The following XRN2 variants were observed in gnomAD, a reference collection of about 807,000 sequenced individuals.
XRN2 encodes the protein DHM1-like protein.
In XRN2, 44 loss-of-function variants were observed where a neutral mutation model predicts 138.5. The observed-to-expected ratio is 0.32, with a 90% CI of 0.25 to 0.41. The LOEUF (loss-of-function observed/expected upper bound fraction) is 0.41, where lower values mean the gene tolerates loss of function less well. Ranked by LOEUF, XRN2 falls within the 10% of genes least tolerant of loss-of-function variation. The pLI is 1.00. For missense variants in XRN2, 937 were observed against 1,169.3 expected (o/e 0.80, Z 2.90); for synonymous variants, 354 against 369.4 (o/e 0.96, Z 0.48).
chr20:21,386,884 C>CCTCT lies in XRN2; in HGVS notation c.2666_2669dup (p.Leu891SerfsTer35). The CCTCT allele has an allele frequency of 6.2e-7, 1 of 1,613,566 alleles. No individual in the cohort carries two copies. Among genetic ancestry groups the CCTCT allele is most frequent in the Non-Finnish European group, 8.5e-7 (1 of 1,179,542 alleles). On this transcript the variant is annotated frameshift_variant, in exon 29 of 30. Transcript: ENST00000377191. LOFTEE classifies it high-confidence loss of function. ...TTCCTACAGAGGCGTTGGGGCTGAACCTCTGCTCCCATGGAACCGGATGCT... is the reference window on the plus strand; with the variant it reads ...TTCCTACAGAGGCGTTGGGGCTGAACCTCTCTCTGCTCCCATGGAACCGGATGCT...
In XRN2 at chr20:21,321,991, A is replaced by C. The variant is rs559753575; in HGVS notation, c.76-4288A>C. On this transcript the variant is annotated intron_variant, in intron 1 of 29. Coordinates refer to ENST00000377191, the MANE Select transcript of XRN2 (RefSeq NM_012255.5). ...AAATTACAATTAATTAGTCTAACAT[A>C]CTGGTTAAGGTACCATCTCTGAGTC... Among the ~76,000 whole-genome samples, 303 of 152,344 alleles carry C rather than the reference A, an allele frequency of 2.0e-3. 1 individual carries two copies. The highest frequency in any genetic ancestry group is 6.7e-3 in the African/African-American group (280 of 41,578).
chr20:21,315,128 C>T (rs558100308), intron 1 of XRN2, among the ~76,000 whole-genome samples: 8 of 152,306 alleles, frequency 5.3e-5, no homozygotes, highest in South Asian at 4.1e-4. Flanking sequence ...CACCTTGTCC[C>T]GGGCAGTTGC....
chr20:21,341,877 G>A (rs1464229561), intron 15 of XRN2, among the ~76,000 whole-genome samples: 1 of 152,066 alleles, frequency 6.6e-6, no homozygotes, highest in East Asian at 1.9e-4. Flanking sequence ...TTGGGAGGCA[G>A]GCAGGTTTAA....
intron 19 of XRN2, 95 bp downstream of exon 19, chr20:21,348,525 A>G (rs1437984587): frequency 9.1e-7 from 1 of 1,097,402 alleles, no homozygotes; most frequent in Non-Finnish European, 1.4e-6. Context: ...TAGTTAAAAC[A>G]GTGAAGTACA....
chr20:21,386,895 A>C lies in XRN2; in HGVS notation c.2676A>C (p.Pro892=). The C allele has an allele frequency of 6.2e-7, 1 of 1,613,844 alleles. No individual in the cohort carries two copies. The highest frequency in any genetic ancestry group is 1.1e-5 in the South Asian group (1 of 91,062). The change falls in exon 29 of 30, where the codon CCA becomes CCC. Residue 892 remains proline (P), a synonymous_variant. Transcript: ENST00000377191. ...GCGTTGGGGCTGAACCTCTGCTCCC[A>C]TGGAACCGGATGCTGCAAACCCAGA... ...DRGVGAEPLL[P]WNRMLQTQNA...
chr20:21,389,108 A>G (rs1361879472), intron 29 of XRN2, among the ~76,000 whole-genome samples, 165 bp from the exon 30 acceptor site: 2 of 152,350 alleles, frequency 1.3e-5, no homozygotes, highest in Non-Finnish European at 2.9e-5. Context: ...ACAAGTCTGT[A>G]TTAAAGCTCT....
At chr20:21,337,736 A>G (rs1032735280) in intron 13 of XRN2, among the ~76,000 whole-genome samples, 1 of 152,220 alleles carries the variant, frequency 6.6e-6, no homozygotes, top group African/African-American at 2.4e-5. Context: ...TTTTCACACA[A>G]AAAACTTGCA....
rs369948824 is a variant in XRN2 at position 21,330,368 on chromosome 20, G to A, written c.428-113G>A. Reference sequence around the variant, plus strand: ...GAGGGAACATTTTTCCTCGGATGACGAGACTTCACTTTCTTTTGTAGTGGA... The same window carrying A: ...GAGGGAACATTTTTCCTCGGATGACAAGACTTCACTTTCTTTTGTAGTGGA... On this transcript the variant is annotated intron_variant, in intron 4 of 29. Transcript: ENST00000377191. 4.0e-6 allele frequency: 4 copies of A among 994,216 alleles called. No homozygotes were observed. The South Asian group carries it at 5.3e-5, about 13-fold the overall frequency. The allele number at this position is 994,216 out of a possible 1,614,324, so 61.6% of individuals were successfully genotyped here. A position where few individuals can be genotyped will look rare whatever the true frequency, so the allele number is the denominator to read the frequency against.
Position 21,344,095 on chromosome 20 carries a change from T to G in XRN2, c.1416T>G (p.Pro472=), listed in dbSNP as rs2038405841. The G allele has an allele frequency of 6.2e-7, 1 of 1,609,188 alleles. No individual in the cohort carries two copies. Among genetic ancestry groups the G allele is most frequent in the Non-Finnish European group, 8.5e-7 (1 of 1,176,044 alleles). ...AATGTCATCATTGTCTGCAGAGTCC[T>G]TCGATATCTCCTAATACGAGTTTCA... ...YEMRMQNNSS[P]SISPNTSFTS... is the part of the protein sequence containing the mutation. The change falls in exon 16 of 30, where the codon CCT becomes CCG. Residue 472 remains proline (P), a synonymous_variant. Transcript: ENST00000377191.
chr20:21,346,536 A>G lies in XRN2; in HGVS notation c.1651A>G (p.Arg551Gly). Residue 551 changes from arginine to glycine, a missense_variant, in exon 17 of 30, where the codon AGA becomes GGA. By Grantham distance (125) the Arg-to-Gly change is moderately radical. This residue lies in a region of XRN2 where 471 missense variants were observed against 581.2 expected (regional missense o/e 0.81). Transcript: ENST00000377191. ...CGTTGAAGGACTTTGCTGGGTTCTT[A>G]GATATTATTACCAGGTACAAAAAGA... ...SYVEGLCWVL[R>G]YYYQGCASWK... 1 of 1,613,880 alleles carries G rather than the reference A, an allele frequency of 6.2e-7. No individual in the cohort carries two copies. The highest frequency in any genetic ancestry group is 8.5e-7 in the Non-Finnish European group (1 of 1,179,810).
intron 26 of XRN2, among the ~76,000 whole-genome samples, chr20:21,366,541 A>G (rs2038705661): frequency 6.6e-6 from 1 of 150,782 alleles, no homozygotes; most frequent in Admixed American, 6.6e-5. Flanking sequence ...TGGGCGACAG[A>G]GGGAGACTTC....
intron 24 of XRN2, among the ~76,000 whole-genome samples, chr20:21,363,439 A>C (rs768084649): frequency 2.6e-5 from 4 of 152,224 alleles, no homozygotes; most frequent in Non-Finnish European, 5.9e-5. Context: ...ATGAGCACAA[A>C]TACTTAACTA....
At chr20:21,304,872 C>A (rs1568562188) in intron 1 of XRN2, among the ~76,000 whole-genome samples, 1 of 152,130 alleles carries the variant, frequency 6.6e-6, no homozygotes, top group Non-Finnish European at 1.5e-5. Context: ...GCGTTGTGGG[C>A]ATCCAAAATT....
intron 15 of XRN2, among the ~76,000 whole-genome samples, chr20:21,343,340 A>G (rs2038395948): frequency 6.6e-6 from 1 of 152,048 alleles, no homozygotes; most frequent in Non-Finnish European, 1.5e-5. Context: ...TTAACGTATT[A>G]TGTTAATTGA....
At chr20:21,325,473 T>A (rs1323373096) in intron 1 of XRN2, among the ~76,000 whole-genome samples, 5 of 152,214 alleles carry the variant, frequency 3.3e-5, no homozygotes. Context: ...AGGAACAATT[T>A]CTTGGGAGAT....
At chr20:21,326,747 ATGTTTTTT>A in intron 3 of XRN2, 146 bp downstream of exon 3, 1 of 693,754 alleles carries the variant, frequency 1.4e-6, no homozygotes, top group East Asian at 2.7e-5. Context: ...ATTCATTCAG[ATGTTTTTT>A]TGTGTGTGTG....
In XRN2 at chr20:21,328,832, A is replaced by G. The variant is rs142735661; in HGVS notation, c.427+162A>G. On this transcript the variant is annotated intron_variant, in intron 4 of 29. Transcript: ENST00000377191. ...GGAAAAGTAGTTCATGAAATCTACC[A>G]ATAGGCTTAATAGGCTTGTTTATTT... 3.0e-4 allele frequency among the ~76,000 whole-genome samples: 46 copies of G among 152,286 alleles called. No individual in the cohort carries two copies. In the East Asian group the frequency reaches 8.9e-3, roughly 29 times the overall value.
At chr20:21,335,265 G>C (rs2038269633) in intron 13 of XRN2, among the ~76,000 whole-genome samples, 1 of 152,170 alleles carries the variant, frequency 6.6e-6, no homozygotes. Flanking sequence ...AGGGAGGCCA[G>C]CAGTGGGCAA....
At chr20:21,353,839 A>ATGAT (rs921513229) in intron 20 of XRN2, among the ~76,000 whole-genome samples, 17 of 151,926 alleles carry the variant, frequency 1.1e-4, no homozygotes, top group African/African-American at 4.1e-4. Context: ...GAAATTGAAC[A>ATGAT]TGATTCCTAA....
Sources: allele counts gnomAD v4.1 joint callset (sites outside exome capture counted in the v4.1 genomes callset), GRCh38; gene constraint gnomAD v4.1.1; regional missense constraint gnomAD v4.1.1; transcripts MANE v1.5; gene names NCBI Gene and HGNC (gene_info 2026-07-23, HGNC 2026-07-21).